TTC38: variants seen among roughly 807,000 people sequenced by gnomAD.
TTC38 encodes tetratricopeptide repeat protein 38.
TTC38 carries 64 observed loss-of-function variants against 64.2 expected under a neutral mutation model. The observed-to-expected ratio is 1.00, with a 90% CI of 0.81 to 1.23. The LOEUF is 1.23. Among genes scored for constraint, TTC38 ranks in the 50% most tolerant of loss-of-function variants. TTC38 has a pLI of 0.00. For missense variants in TTC38, 573 were observed against 615.5 expected (o/e 0.93, Z 0.73); for synonymous variants, 254 against 249.3 (o/e 1.02, Z -0.18).
At chr22:46,277,048 C>T (rs1296857771) in intron 5 of TTC38, among the ~76,000 whole-genome samples, 4 of 15,594 alleles carry the variant, frequency 2.6e-4, no homozygotes, top group Non-Finnish European at 5.2e-4. Flanking sequence ...TATATACATA[C>T]ACACACACAC....
rs993735012 is a variant in TTC38 at position 46,276,383 on chromosome 22, G to C, written c.539+962G>C. On this transcript the variant is annotated intron_variant, in intron 5 of 13. Transcript: ENST00000381031. This position sits in a 1 kb window ranked among gnomAD's most constrained non-coding sequence, Gnocchi z 4.7. ...GAGGGTAATCTGCTTTACTCAAATC[G>C]CATCTAGAAATACCTTCACGAGACT... Among the ~76,000 whole-genome samples the C allele has an allele frequency of 6.6e-6, 1 of 152,082 alleles. No homozygotes were observed. The highest frequency in any genetic ancestry group is 2.4e-5 in the African/African-American group (1 of 41,400).
At position 46,276,749 on chromosome 22, in the gene TTC38, TAC is replaced by T. The variant is rs1454553348; in HGVS notation, c.539+1330_539+1331del. 1.0e-4 allele frequency among the ~76,000 whole-genome samples: 12 copies of T among 118,152 alleles called. No homozygotes were observed. Among genetic ancestry groups the T allele is most frequent in the African/African-American group, 6.2e-4 (12 of 19,292 alleles). The allele number at this position is 118,152 out of a possible 152,430, so 77.5% of individuals were successfully genotyped here. A position where few individuals can be genotyped will look rare whatever the true frequency, so the allele number is the denominator to read the frequency against. On this transcript the variant is annotated intron_variant, in intron 5 of 13. Coordinates refer to ENST00000381031, the MANE Select transcript of TTC38 (RefSeq NM_017931.4). The surrounding 1 kb of genome is among the most constrained non-coding windows in gnomAD (Gnocchi z 4.7). ...ATATATTAAAAAAATATATATAAAA[TAC>T]ATATATTAAAAATATATATTAAATA...
Position 46,284,179 on chromosome 22 carries a change from A to G in TTC38, c.795+147A>G. ...TTTCCAAAGAGCACTCTAGGCTTCAACCTTTTTAGGGATTTTTTCACTGTG... is the reference window on the plus strand; with the variant it reads ...TTTCCAAAGAGCACTCTAGGCTTCAGCCTTTTTAGGGATTTTTTCACTGTG... On this transcript the variant is annotated intron_variant, in intron 8 of 13. Coordinates refer to ENST00000381031, the MANE Select transcript of TTC38 (RefSeq NM_017931.4). 3 of 667,604 alleles carry G rather than the reference A, an allele frequency of 4.5e-6. 1 individual carries two copies. The highest frequency in any genetic ancestry group is 2.8e-5 in the East Asian group (1 of 36,250). The allele number at this position is 667,604 out of a possible 1,614,324, so 41.4% of individuals were successfully genotyped here. A position where few individuals can be genotyped will look rare whatever the true frequency, so the allele number is the denominator to read the frequency against.
rs557410556 is a variant in TTC38 at position 46,281,009 on chromosome 22, C to T, written c.616-590C>T. ...CATGAGTCCTGCCTGCCTCGCTGGT[C>T]GCTGTCAAGCTCACAGGTCATGGGA... is the stretch of plus-strand genomic sequence containing the variant. On this transcript the variant is annotated intron_variant, in intron 6 of 13. Transcript: ENST00000381031. The surrounding 1 kb of genome is among the most constrained non-coding windows in gnomAD (Gnocchi z 5.2). Among the ~76,000 whole-genome samples, 7 of 152,326 alleles carry T rather than the reference C, an allele frequency of 4.6e-5. No individual in the cohort carries two copies. Among genetic ancestry groups the T allele is most frequent in the Admixed American group, 1.3e-4 (2 of 15,300 alleles).
chr22:46,279,903 G>A (rs891708526), intron 6 of TTC38, among the ~76,000 whole-genome samples: 3 of 152,184 alleles, frequency 2.0e-5, no homozygotes, highest in African/African-American at 7.2e-5. Flanking sequence ...ATTTGGAGAA[G>A]CTCTGGACAA....
In TTC38 at chr22:46,275,134, T is replaced by G; in HGVS notation, c.366-114T>G. ...CCGCACCCAGTCAGAAACTGATTTT[T>G]AAAAAAACACATCCATGTAGACCAT... is the stretch of plus-strand genomic sequence containing the variant. On this transcript the variant is annotated intron_variant, in intron 4 of 13. Transcript: ENST00000381031. The surrounding 1 kb of genome is among the most constrained non-coding windows in gnomAD (Gnocchi z 4.5). 1 of 1,091,516 alleles carries G rather than the reference T, an allele frequency of 9.2e-7. No homozygotes were observed. The highest frequency in any genetic ancestry group is 1.3e-6 in the Non-Finnish European group (1 of 765,198). 67.6% of individuals were successfully genotyped at this position (1,091,516 alleles called of 1,614,324 possible).
chr22:46,268,091 C>T lies in TTC38; in HGVS notation c.33+19C>T, dbSNP rs1262148283. On this transcript the variant is annotated intron_variant, in intron 1 of 13. Transcript: ENST00000381031. ...CTGCCAGGTACACGGAGGCTGCCCC[C>T]AACCAGGTCCCCCTCGGGCCCCGGG... 4.6e-6 allele frequency: 7 copies of T among 1,537,560 alleles called. No homozygotes were observed. In the South Asian group the frequency reaches 8.4e-5, roughly 18 times the overall value.
chr22:46,275,347 G>A lies in TTC38; in HGVS notation c.465G>A (p.Leu155=), dbSNP rs1936985576. ...LKFSHDAYFY[L]GYQEQMRDSV... ...TTTCCCATGATGCTTATTTTTACCTGGGCTATCAGGAACAGATGAGAGATT... is the reference window on the plus strand; with the variant it reads ...TTTCCCATGATGCTTATTTTTACCTAGGCTATCAGGAACAGATGAGAGATT... The change falls in exon 5 of 14, where the codon CTG becomes CTA. Residue 155 remains leucine, a synonymous_variant. Transcript: ENST00000381031. This position sits in a 1 kb window ranked among gnomAD's most constrained non-coding sequence, Gnocchi z 4.5. 6.2e-7 allele frequency: 1 copy of A among 1,614,072 alleles called. No individual in the cohort carries two copies. Among genetic ancestry groups the A allele is most frequent in the Admixed American group, 1.7e-5 (1 of 60,008 alleles).
chr22:46,281,826 GT>G lies in TTC38; in HGVS notation c.735+110del. On this transcript the variant is annotated intron_variant, in intron 7 of 13. Coordinates refer to ENST00000381031, the MANE Select transcript of TTC38 (RefSeq NM_017931.4). The surrounding 1 kb of genome is among the most constrained non-coding windows in gnomAD (Gnocchi z 5.2). ...TACAGGGCATGGCTTAATTCTCGGG[GT>G]TCCCTCTCCTCCTCCACCTGCACCT... 1.3e-6 allele frequency: 2 copies of G among 1,482,890 alleles called. No homozygotes were observed. The highest frequency in any genetic ancestry group is 1.9e-6 in the Non-Finnish European group (2 of 1,076,522). The allele number at this position is 1,482,890 out of a possible 1,614,324, so 91.9% of individuals were successfully genotyped here.
intron 8 of TTC38, 137 bp from the exon 9 acceptor site, chr22:46,285,104 G>A (rs368837126): frequency 3.0e-5 from 22 of 733,538 alleles, no homozygotes; most frequent in East Asian, 1.3e-4. Flanking sequence ...CCAAGACACC[G>A]TCCGTCCACC....
chr22:46,271,672 G>A lies in TTC38; in HGVS notation c.112-663G>A, dbSNP rs1936899890. 6.8e-6 allele frequency among the ~76,000 whole-genome samples: 1 copy of A among 148,148 alleles called. No individual in the cohort carries two copies. The highest frequency in any genetic ancestry group is 6.6e-5 in the Admixed American group (1 of 15,144). On this transcript the variant is annotated intron_variant, in intron 2 of 13. Coordinates refer to ENST00000381031, the MANE Select transcript of TTC38 (RefSeq NM_017931.4). This position sits in a 1 kb window ranked among gnomAD's most constrained non-coding sequence, Gnocchi z 5.5. Reference sequence around the variant, plus strand: ...ACTACAGACATGTGCCACCACGCCTGACTAATTTTTGTATTATTTGTAGAG... The same window carrying A: ...ACTACAGACATGTGCCACCACGCCTAACTAATTTTTGTATTATTTGTAGAG...
At position 46,281,536 on chromosome 22, in the gene TTC38, G is replaced by A. The variant is rs567253990; in HGVS notation, c.616-63G>A. ...TCTTGCCCCTTAGAGACCTGCCGTC[G>A]CCTGCCCCGGCAGCCTGACTGATCT... On this transcript the variant is annotated intron_variant, in intron 6 of 13. Transcript: ENST00000381031. The surrounding 1 kb of genome is among the most constrained non-coding windows in gnomAD (Gnocchi z 5.2). 25 of 1,581,920 alleles carry A rather than the reference G, an allele frequency of 1.6e-5. No individual in the cohort carries two copies. The highest frequency in any genetic ancestry group is 1.2e-4 in the South Asian group (11 of 89,160).
In TTC38 at chr22:46,291,434, C is replaced by T. The variant is rs1485963351; in HGVS notation, c.1317-1357C>T. Among the ~76,000 whole-genome samples, 2 of 152,090 alleles carry T rather than the reference C, an allele frequency of 1.3e-5. No individual in the cohort carries two copies. Among genetic ancestry groups the T allele is most frequent in the Admixed American group, 6.6e-5 (1 of 15,266 alleles). Reference sequence around the variant, plus strand: ...ACAGGGAGCCGACTGCATTAGGAGACGTGGAGGGGGCCTTCTCTCCAAGTC... The same window carrying T: ...ACAGGGAGCCGACTGCATTAGGAGATGTGGAGGGGGCCTTCTCTCCAAGTC... On this transcript the variant is annotated intron_variant, in intron 13 of 13. Coordinates refer to ENST00000381031, the MANE Select transcript of TTC38 (RefSeq NM_017931.4). The surrounding 1 kb of genome is among the most constrained non-coding windows in gnomAD (Gnocchi z 4.6).
intron 6 of TTC38, chr22:46,280,144 A>G (rs532971643): frequency 2.1e-6 from 1 of 471,266 alleles, no homozygotes; most frequent in East Asian, 6.9e-5. Context: ...TGATGGGGCC[A>G]GGAGTGGTAA....
At chr22:46,289,649 T>C (rs1417514916) in intron 12 of TTC38, 88 bp downstream of exon 12, 14 of 1,511,186 alleles carry the variant, frequency 9.3e-6, no homozygotes, top group Non-Finnish European at 1.3e-5. Context: ...CCCATGGTGT[T>C]GGTGCCAACA....
intron 6 of TTC38, among the ~76,000 whole-genome samples, chr22:46,279,062 C>T (rs1018580027): frequency 5.9e-5 from 9 of 152,232 alleles, no homozygotes; most frequent in African/African-American, 1.4e-4. Flanking sequence ...TGTAAATAAG[C>T]GTTGGCTCTT....
In TTC38 at chr22:46,270,570, C is replaced by T. The variant is rs935965046; in HGVS notation, c.112-1765C>T. On this transcript the variant is annotated intron_variant, in intron 2 of 13. Coordinates refer to ENST00000381031, the MANE Select transcript of TTC38 (RefSeq NM_017931.4). The surrounding 1 kb of genome is among the most constrained non-coding windows in gnomAD (Gnocchi z 4.7). ...ATGATGCGCTGGGCGCGGTGACTCA[C>T]GCCTGTAATCCCAGCACTTTGGGAG... Among the ~76,000 whole-genome samples, 4 of 151,988 alleles carry T rather than the reference C, an allele frequency of 2.6e-5. No homozygotes were observed. The highest frequency in any genetic ancestry group is 4.4e-5 in the Non-Finnish European group (3 of 68,006).
chr22:46,287,209 A>G, intron 10 of TTC38, 55 bp downstream of exon 10: 3 of 1,497,988 alleles, frequency 2.0e-6, no homozygotes, highest in South Asian at 2.4e-5. Context: ...CATCATGAGG[A>G]GAGGGTGCTG....
Position 46,274,166 on chromosome 22 carries a change from G to C in TTC38, c.365+97G>C. The C allele has an allele frequency of 5.0e-4, 359 of 718,038 alleles. No individual in the cohort carries two copies. Among genetic ancestry groups the C allele is most frequent in the East Asian group, 1.2e-3 (36 of 28,900 alleles). The allele number at this position is 718,038 out of a possible 1,614,324, so 44.5% of individuals were successfully genotyped here. On this transcript the variant is annotated intron_variant, in intron 4 of 13. Transcript: ENST00000381031. The surrounding 1 kb of genome is among the most constrained non-coding windows in gnomAD (Gnocchi z 4.8). ...CTGATGCCCTTGGGACGGGGGCGGG[G>C]TGGGAGAATGCTTCTCTCCCTGCCT...
Sources: allele counts gnomAD v4.1 joint callset (sites outside exome capture counted in the v4.1 genomes callset), GRCh38; gene constraint gnomAD v4.1.1; non-coding constraint Gnocchi (gnomAD v3.1); transcripts MANE v1.5; gene names NCBI Gene and HGNC (gene_info 2026-07-23, HGNC 2026-07-21).